Variants in ADAMTSL1 observed in about 807,000 individuals in gnomAD.
ADAMTSL1 encodes the protein ADAMTS-like protein 1.
A neutral mutation model predicts 201.8 loss-of-function variants in ADAMTSL1; 126 were observed. The ratio of observed to expected loss-of-function variants is 0.62; its 90% CI spans 0.54 to 0.72. ADAMTSL1 has a LOEUF of 0.72. Ranked by LOEUF, ADAMTSL1 falls within the 30% of genes least tolerant of loss-of-function variation. ADAMTSL1 has a pLI of 0.00. For synonymous variants in ADAMTSL1, 1,121 were observed against 903.4 expected, an observed-to-expected ratio of 1.24 and a Z score of -4.32; for missense variants, 2,679 against 2,277.8, an observed-to-expected ratio of 1.18 and a Z score of -3.59.
intron 16 of ADAMTSL1, among the ~76,000 whole-genome samples, chr9:18,757,380 C>T (rs1027188597): frequency 5.3e-5 from 8 of 152,126 alleles, no homozygotes; most frequent in East Asian, 1.9e-4. Context: ...TCATATCCCA[C>T]GGGTGAGTTA....
chr9:18,599,023 T>C (rs537330494), intron 4 of ADAMTSL1, among the ~76,000 whole-genome samples: 1 of 152,346 alleles, frequency 6.6e-6, no homozygotes, highest in East Asian at 1.9e-4. Context: ...GGAGGATTTC[T>C]GTCTCCTCCC....
At chr9:17,948,615 C>T (rs976933303) in intron 1 of ADAMTSL1, among the ~76,000 whole-genome samples, 4 of 152,130 alleles carry the variant, frequency 2.6e-5, no homozygotes, top group African/African-American at 9.7e-5. Flanking sequence ...TAGATTTAAC[C>T]ACGTGTTACA....
At chr9:18,761,161 G>A (rs1820051575) in intron 16 of ADAMTSL1, among the ~76,000 whole-genome samples, 1 of 152,108 alleles carries the variant, frequency 6.6e-6, no homozygotes, top group Non-Finnish European at 1.5e-5. Flanking sequence ...ATGAAAAGTT[G>A]GCCTTACAAA....
At chr9:18,137,412 G>C (rs1340737400) in intron 1 of ADAMTSL1, among the ~76,000 whole-genome samples, 1 of 152,038 alleles carries the variant, frequency 6.6e-6, no homozygotes, top group African/African-American at 2.4e-5. Flanking sequence ...ATTCATCTTT[G>C]GAAAACACAT....
Position 18,816,967 on chromosome 9 carries a change from C to G in ADAMTSL1, c.3806-142C>G, listed in dbSNP as rs954329873. The G allele has an allele frequency of 3.7e-6, 4 of 1,086,814 alleles. No individual in the cohort carries two copies. The Admixed American group carries it at 1.2e-4, about 31-fold the overall frequency. The allele number at this position is 1,086,814 out of a possible 1,614,324, so 67.3% of individuals were successfully genotyped here. A position where few individuals can be genotyped will look rare whatever the true frequency, so the allele number is the denominator to read the frequency against. Reference sequence around the variant, plus strand: ...TAGATGCTTTTATACTGTGCGCTTGCAATTTTTCAAGAGAAAACATAGTTA... The same window carrying G: ...TAGATGCTTTTATACTGTGCGCTTGGAATTTTTCAAGAGAAAACATAGTTA... On this transcript the variant is annotated intron_variant, in intron 20 of 28. Coordinates refer to ENST00000380548, the MANE Select transcript of ADAMTSL1 (RefSeq NM_001040272.6).
chr9:18,562,619 T>C (rs1821595227), intron 3 of ADAMTSL1, among the ~76,000 whole-genome samples: 1 of 152,224 alleles, frequency 6.6e-6, no homozygotes, highest in Non-Finnish European at 1.5e-5. Context: ...GTTTTCTACT[T>C]GGTTCCATTC....
intron 1 of ADAMTSL1, among the ~76,000 whole-genome samples, chr9:18,148,694 C>T (rs750140553): frequency 3.0e-4 from 46 of 152,004 alleles, no homozygotes; most frequent in Non-Finnish European, 5.4e-4. Flanking sequence ...CTTCAAATGA[C>T]TCATTAGCTA....
intron 15 of ADAMTSL1, among the ~76,000 whole-genome samples, chr9:18,750,141 A>G (rs1819383418): frequency 6.6e-6 from 1 of 152,234 alleles, no homozygotes; most frequent in South Asian, 2.1e-4. Context: ...TTGAGTGGAA[A>G]GAAAACCTTT....
At chr9:18,544,041 C>G (rs1011163922) in intron 3 of ADAMTSL1, among the ~76,000 whole-genome samples, 1 of 152,142 alleles carries the variant, frequency 6.6e-6, no homozygotes, top group African/African-American at 2.4e-5. Flanking sequence ...AGAATACAGG[C>G]TTGGGGGCTC....
intron 2 of ADAMTSL1, among the ~76,000 whole-genome samples, chr9:18,207,691 C>A (rs773647936): frequency 6.6e-6 from 1 of 152,136 alleles, no homozygotes; most frequent in African/African-American, 2.4e-5. Context: ...TAACTTTCGA[C>A]GTGGCCTCAT....
chr9:18,375,849 A>G (rs1176963589), intron 2 of ADAMTSL1, among the ~76,000 whole-genome samples: 1 of 152,042 alleles, frequency 6.6e-6, no homozygotes, highest in African/African-American at 2.4e-5. Context: ...TGATTGGTCC[A>G]TTTTACAGAC....
chr9:18,538,228 A>G (rs1307570964), intron 3 of ADAMTSL1, among the ~76,000 whole-genome samples: 1 of 152,040 alleles, frequency 6.6e-6, no homozygotes, highest in Non-Finnish European at 1.5e-5. Context: ...GGATTTGGGT[A>G]TGTTCTAGAG....
chr9:18,688,689 A>T (rs13292412), intron 13 of ADAMTSL1, among the ~76,000 whole-genome samples: 559 of 8,400 alleles, frequency 0.067, 43 homozygotes, highest in African/African-American at 0.098. Flanking sequence ...AAAAAAAAAA[A>T]ATATATATAT....
At chr9:18,250,854 C>T (rs979336021) in intron 2 of ADAMTSL1, among the ~76,000 whole-genome samples, 7 of 152,028 alleles carry the variant, frequency 4.6e-5, no homozygotes, top group Non-Finnish European at 7.4e-5. Flanking sequence ...ACCACCAGCC[C>T]GTTTGCCACT....
chr9:18,391,133 G>C (rs1348167797), intron 2 of ADAMTSL1, among the ~76,000 whole-genome samples: 3 of 152,178 alleles, frequency 2.0e-5, no homozygotes, highest in Non-Finnish European at 4.4e-5. Flanking sequence ...TGTGCCTGGA[G>C]GAGGGAAATC....
At chr9:18,019,204 G>A (rs1042557432) in intron 1 of ADAMTSL1, among the ~76,000 whole-genome samples, 10 of 152,074 alleles carry the variant, frequency 6.6e-5, no homozygotes, top group Admixed American at 5.9e-4. Context: ...TAAGTAAAGT[G>A]TTGAAGATTC....
chr9:18,378,642 C>A (rs1483847647), intron 2 of ADAMTSL1, among the ~76,000 whole-genome samples: 5 of 152,092 alleles, frequency 3.3e-5, no homozygotes, highest in Non-Finnish European at 7.4e-5. Context: ...CTCTACCTAC[C>A]CTTATCAGCT....
chr9:18,577,435 G>A (rs146978436), intron 4 of ADAMTSL1, among the ~76,000 whole-genome samples: 2,896 of 152,222 alleles, frequency 0.019, 82 homozygotes, highest in African/African-American at 0.06. Flanking sequence ...GCAGTGAGCC[G>A]AGATTGCACC....
intron 2 of ADAMTSL1, among the ~76,000 whole-genome samples, chr9:18,255,147 C>A (rs1288836951): frequency 6.6e-6 from 1 of 152,104 alleles, no homozygotes; most frequent in Non-Finnish European, 1.5e-5. Flanking sequence ...ATAATATTAA[C>A]AAATTCCAGC....
Sources: allele counts gnomAD v4.1 joint callset (sites outside exome capture counted in the v4.1 genomes callset), GRCh38; gene constraint gnomAD v4.1.1; transcripts MANE v1.5; gene names NCBI Gene and HGNC (gene_info 2026-07-23, HGNC 2026-07-21).